Variants in ZIC5 observed in about 807,000 individuals in gnomAD.
ZIC5 encodes the protein zinc finger protein ZIC 5.
In ZIC5, 20 loss-of-function variants were observed where a neutral mutation model predicts 28.5. The ratio of observed to expected loss-of-function variants is 0.70; its 90% CI spans 0.49 to 1.02. ZIC5 has a LOEUF of 1.02. Among genes scored for constraint, ZIC5 ranks in the 50% least tolerant of loss-of-function variants. The probability of loss-of-function intolerance (pLI) is 0.00; values close to 1 mark genes in which losing one functional copy is unlikely to be tolerated. For missense variants in ZIC5, 951 were observed against 899.7 expected (o/e 1.06, Z -0.73); for synonymous variants, 488 against 410.4 (o/e 1.19, Z -2.29).
chr13:99,967,496 C>T (rs1195833588), intron 1 of ZIC5, among the ~76,000 whole-genome samples: 12 of 152,312 alleles, frequency 7.9e-5, no homozygotes, highest in Admixed American at 6.5e-4. Flanking sequence ...GTAGATAAGA[C>T]CAAGTTAACA....
rs558030844 is a variant in ZIC5, at chr13:99,964,491, A to C, written c.*886T>G. On this transcript the variant is annotated 3_prime_UTR_variant, in exon 2 of 2. Coordinates refer to ENST00000267294, the MANE Select transcript of ZIC5 (RefSeq NM_033132.5). Reference sequence around the variant, plus strand: ...AGGCAGTATCTGAGAATTCAGATAAAAAAAAAAAAACATATAGGAAAAAGA... The same window carrying C: ...AGGCAGTATCTGAGAATTCAGATAACAAAAAAAAAACATATAGGAAAAAGA... 292 of 140,138 alleles carry C rather than the reference A, an allele frequency of 2.1e-3. 1 individual carries two copies. The highest frequency in any genetic ancestry group is 0.015 in the Admixed American group (212 of 14,478). The allele number at this position is 140,138 out of a possible 1,614,324, so 8.7% of individuals were successfully genotyped here. A position where few individuals can be genotyped will look rare whatever the true frequency, so the allele number is the denominator to read the frequency against.
intron 1 of ZIC5, among the ~76,000 whole-genome samples, chr13:99,969,105 C>G (rs1438509257): frequency 3.9e-5 from 6 of 152,240 alleles, no homozygotes; most frequent in Non-Finnish European, 7.3e-5. Flanking sequence ...GCCCGACGCG[C>G]TGGTCCGCTC....
chr13:99,965,875 A>C, intron 1 of ZIC5, 56 bp from the exon 2 acceptor site: 1 of 1,536,936 alleles, frequency 6.5e-7, no homozygotes, highest in Admixed American at 1.9e-5. Flanking sequence ...CTCTCTTGAC[A>C]GAAATCTTGA....
rs2053094708 is a variant in ZIC5 at position 99,965,600 on chromosome 13, G to A, written c.1697C>T (p.Ser566Leu). 1 of 1,614,014 alleles carries A rather than the reference G, an allele frequency of 6.2e-7. No homozygotes were observed. Among genetic ancestry groups the A allele is most frequent in the Admixed American group, 1.7e-5 (1 of 60,008 alleles). The part of the protein sequence containing the change: ...PPSPGPLGYS[S>L]VGTPVGAPLS... ...GGGGGCGCCCACTGGAGTCCCCACT[G>A]ATGAGTAACCAAGGGGTCCTGGAGA... The change falls in exon 2 of 2, where the codon TCA becomes TTA. Residue 566 changes from serine to leucine, a missense_variant. Physicochemically the swap from Ser to Leu is moderately radical, Grantham distance 145 (BLOSUM62 -2). Transcript: ENST00000267294.
In ZIC5 at chr13:99,971,195, G is replaced by A. The variant is rs1157692815; in HGVS notation, c.409C>T (p.Pro137Ser). ...GGCGGGGGAGGGGGAGGGGGTGAAG[G>A]GGTGGGAGGAAGAGGAGGGGCTGGG... is the stretch of plus-strand genomic sequence containing the variant. ...PPPAPPLPPT[P>S]SPPPPPPPPP... Residue 137 changes from proline (P) to serine (S), a missense_variant, in exon 1 of 2, where the codon CCT becomes TCT. Transcript: ENST00000267294. The A allele has an allele frequency of 7.6e-7, 1 of 1,311,142 alleles. No individual in the cohort carries two copies. Among genetic ancestry groups the A allele is most frequent in the Non-Finnish European group, 9.7e-7 (1 of 1,035,158 alleles). The allele number at this position is 1,311,142 out of a possible 1,614,324, so 81.2% of individuals were successfully genotyped here.
chr13:99,963,272 T>A lies in ZIC5; in HGVS notation c.*2105A>T, dbSNP rs550904269. 6.5e-6 allele frequency: 1 copy of A among 152,768 alleles called. No individual in the cohort carries two copies. Among genetic ancestry groups the A allele is most frequent in the South Asian group, 2.1e-4 (1 of 4,832 alleles). The allele number at this position is 152,768 out of a possible 1,614,324, so 9.5% of individuals were successfully genotyped here. On this transcript the variant is annotated 3_prime_UTR_variant, in exon 2 of 2. Transcript: ENST00000267294. The stretch of plus-strand genomic sequence containing the variant: ...GTTGTATAAATAAAACAACTCATTA[T>A]ACATCAGGAATATTTTGTTCTAATA...
Position 99,971,643 on chromosome 13 carries a change from G to C in ZIC5, c.-40C>G. 1 of 1,560,276 alleles carries C rather than the reference G, an allele frequency of 6.4e-7. No homozygotes were observed. Among genetic ancestry groups the C allele is most frequent in the Non-Finnish European group, 8.7e-7 (1 of 1,150,934 alleles). On this transcript the variant is annotated 5_prime_UTR_variant, in exon 1 of 2. Coordinates refer to ENST00000267294, the MANE Select transcript of ZIC5 (RefSeq NM_033132.5). ...CAGGCCCATAGACCCTCACTGGGGG[G>C]ACTTTATTCCCTCTGCCCGCCTTCA...
At position 99,964,960 on chromosome 13, in the gene ZIC5, T is replaced by C. The variant is rs1249177393; in HGVS notation, c.*417A>G. The C allele has an allele frequency of 6.7e-6, 1 of 150,358 alleles. No individual in the cohort carries two copies. Among genetic ancestry groups the C allele is most frequent in the Non-Finnish European group, 1.5e-5 (1 of 67,676 alleles). The allele number at this position is 150,358 out of a possible 1,614,324, so 9.3% of individuals were successfully genotyped here. A position where few individuals can be genotyped will look rare whatever the true frequency, so the allele number is the denominator to read the frequency against. ...AAATGCAGAGGGCCTTGGTGCTGTG[T>C]TAAGTTCTGACTTAATGCTCTTTTT... On this transcript the variant is annotated 3_prime_UTR_variant, in exon 2 of 2. Coordinates refer to ENST00000267294, the MANE Select transcript of ZIC5 (RefSeq NM_033132.5).
chr13:99,971,755 C>A lies in ZIC5; in HGVS notation c.-152G>T. ...TTCCTGTTCCCACTCTATCCTCCAG[C>A]GATTGGCAGAGTGAACACCACATTT... On this transcript the variant is annotated 5_prime_UTR_variant, in exon 1 of 2. Coordinates refer to ENST00000267294, the MANE Select transcript of ZIC5 (RefSeq NM_033132.5). 6.6e-7 allele frequency: 1 copy of A among 1,523,464 alleles called. No homozygotes were observed. The highest frequency in any genetic ancestry group is 1.2e-5 in the South Asian group (1 of 83,152). The allele number at this position is 1,523,464 out of a possible 1,614,324, so 94.4% of individuals were successfully genotyped here. A position where few individuals can be genotyped will look rare whatever the true frequency, so the allele number is the denominator to read the frequency against.
At position 99,965,496 on chromosome 13, in the gene ZIC5, C is replaced by T. The variant is rs2053093358; in HGVS notation, c.1801G>A (p.Val601Ile). The change falls in exon 2 of 2, where the codon GTT becomes ATT. Residue 601 changes from valine (V) to isoleucine (I), a missense_variant. This residue lies in a region of ZIC5 where 108 missense variants were observed against 118.4 expected (regional missense o/e 0.91). Transcript: ENST00000267294. Reference sequence around the variant, plus strand: ...CTGGGGGCCCCACTGGCCTGGCAAACGTACCACTCATTGAGGTTGGTCACC... The same window carrying T: ...CTGGGGGCCCCACTGGCCTGGCAAATGTACCACTCATTGAGGTTGGTCACC... Reference protein sequence around the residue: ...PQVTNLNEWYVCQASGAPSHL... With the variant: ...PQVTNLNEWYICQASGAPSHL... 5.6e-6 allele frequency: 9 copies of T among 1,613,750 alleles called. 1 individual carries two copies. Among genetic ancestry groups the T allele is most frequent in the African/African-American group, 2.7e-5 (2 of 74,894 alleles).
chr13:99,968,480 G>T (rs1454537204), intron 1 of ZIC5, among the ~76,000 whole-genome samples: 2 of 152,114 alleles, frequency 1.3e-5, no homozygotes, highest in African/African-American at 4.8e-5. Context: ...GAAGCCACCG[G>T]GGACAGTGCG....
At chr13:99,966,892 A>C (rs116605892) in intron 1 of ZIC5, among the ~76,000 whole-genome samples, 21 of 152,350 alleles carry the variant, frequency 1.4e-4, no homozygotes, top group African/African-American at 5.1e-4. Context: ...AGTCTAACTG[A>C]ATTTTCCCTC....
At chr13:99,969,444 G>A (rs9513683) in intron 1 of ZIC5, among the ~76,000 whole-genome samples, 20,820 of 151,836 alleles carry the variant, frequency 0.14, 1,677 homozygotes, top group Middle Eastern at 0.19. Context: ...GGGTGCACGC[G>A]CAGGAGGATA....
rs544370660 is a variant in ZIC5 at position 99,971,758 on chromosome 13, T to C, written c.-155A>G. Reference sequence around the variant, plus strand: ...CTGTTCCCACTCTATCCTCCAGCGATTGGCAGAGTGAACACCACATTTGAG... The same window carrying C: ...CTGTTCCCACTCTATCCTCCAGCGACTGGCAGAGTGAACACCACATTTGAG... On this transcript the variant is annotated 5_prime_UTR_variant, in exon 1 of 2. Transcript: ENST00000267294. 3.4e-5 allele frequency: 52 copies of C among 1,520,326 alleles called. No homozygotes were observed. In the East Asian group the frequency reaches 7.6e-4, roughly 22 times the overall value. 94.2% of individuals were successfully genotyped at this position (1,520,326 alleles called of 1,614,324 possible). A position where few individuals can be genotyped will look rare whatever the true frequency, so the allele number is the denominator to read the frequency against.
intron 1 of ZIC5, 104 bp downstream of exon 1, chr13:99,970,023 A>C: frequency 6.4e-7 from 1 of 1,550,388 alleles, no homozygotes; most frequent in Non-Finnish European, 8.7e-7. Context: ...AGAAGGAGAA[A>C]AAAATTAAGG....
In ZIC5 at chr13:99,963,087, A is replaced by C. The variant is rs1730207749; in HGVS notation, c.*2290T>G. On this transcript the variant is annotated 3_prime_UTR_variant, in exon 2 of 2. Transcript: ENST00000267294. ...ATCATTCTTGCTTGCTCTCTATTGG[A>C]GGTACACATTTTTTTTTATTTTAGG... is the stretch of plus-strand genomic sequence containing the variant. The C allele has an allele frequency of 1.3e-5, 2 of 152,396 alleles. No homozygotes were observed. Among genetic ancestry groups the C allele is most frequent in the South Asian group, 4.1e-4 (2 of 4,830 alleles). The allele number at this position is 152,396 out of a possible 1,614,324, so 9.4% of individuals were successfully genotyped here.
intron 1 of ZIC5, among the ~76,000 whole-genome samples, chr13:99,969,869 G>A (rs1261384086): frequency 4.6e-5 from 7 of 150,546 alleles, no homozygotes; most frequent in Non-Finnish European, 8.9e-5. Flanking sequence ...GGGGCTGCGG[G>A]CGCGCTGGAG....
At chr13:99,969,040 G>T (rs998721435) in intron 1 of ZIC5, among the ~76,000 whole-genome samples, 1 of 152,236 alleles carries the variant, frequency 6.6e-6, no homozygotes, top group Non-Finnish European at 1.5e-5. Flanking sequence ...CCTCCGAGGG[G>T]TAATCGTATC....
At chr13:99,966,785 A>G (rs1017818940) in intron 1 of ZIC5, among the ~76,000 whole-genome samples, 40 of 152,218 alleles carry the variant, frequency 2.6e-4, no homozygotes, top group Admixed American at 1.3e-4. Flanking sequence ...CAAGGCCTCT[A>G]GTCCAGGAAA....
Sources: allele counts gnomAD v4.1 joint callset (sites outside exome capture counted in the v4.1 genomes callset), GRCh38; gene constraint gnomAD v4.1.1; regional missense constraint gnomAD v4.1.1; transcripts MANE v1.5; gene names NCBI Gene and HGNC (gene_info 2026-07-23, HGNC 2026-07-21).